AFAP1: variants seen among roughly 807,000 people sequenced by gnomAD.
The protein encoded by AFAP1 is actin filament-associated protein 1.
AFAP1 carries 75 observed loss-of-function variants against 93.9 expected under a neutral mutation model. The ratio of observed to expected loss-of-function variants is 0.80; its 90% CI spans 0.66 to 0.97. AFAP1 has a LOEUF of 0.97. Among genes scored for constraint, AFAP1 ranks in the 50% least tolerant of loss-of-function variants. AFAP1 has a pLI of 0.00. For synonymous variants in AFAP1, 517 were observed against 430.7 expected (o/e 1.20, Z -2.48); for missense variants, 1,201 against 1,050.8 (o/e 1.14, Z -1.98).
chr4:7,782,981 G>A (rs918464817), intron 12 of AFAP1, among the ~76,000 whole-genome samples: 1 of 152,076 alleles, frequency 6.6e-6, no homozygotes, highest in African/African-American at 2.4e-5. Context: ...TAAGTCACAC[G>A]GAAGACTCAG....
intron 4 of AFAP1, among the ~76,000 whole-genome samples, chr4:7,851,920 A>C (rs1278906772): frequency 6.6e-6 from 1 of 152,192 alleles, no homozygotes; most frequent in Non-Finnish European, 1.5e-5. Flanking sequence ...CCTGTTCTCC[A>C]TGATGGGATC....
intron 8 of AFAP1, among the ~76,000 whole-genome samples, chr4:7,812,606 C>T (rs562010651): frequency 5.3e-4 from 80 of 152,216 alleles, no homozygotes; most frequent in African/African-American, 1.9e-3. Flanking sequence ...ACTCAGAACG[C>T]TCAGCCCCCT....
intron 6 of AFAP1, among the ~76,000 whole-genome samples, chr4:7,828,889 C>T (rs1721657351): frequency 1.3e-5 from 2 of 152,218 alleles, no homozygotes; most frequent in Admixed American, 6.5e-5. Context: ...GCTGTGTCCC[C>T]ACCCAAGTCT....
chr4:7,900,331 G>A (rs1196947530), intron 1 of AFAP1, among the ~76,000 whole-genome samples: 5 of 48,952 alleles, frequency 1.0e-4, no homozygotes, highest in Admixed American at 1.6e-4. Flanking sequence ...TCCTTTGTGC[G>A]CATCTAGCAC....
At chr4:7,930,818 T>TTG (rs1721025851) in intron 1 of AFAP1, among the ~76,000 whole-genome samples, 1 of 151,954 alleles carries the variant, frequency 6.6e-6, no homozygotes, top group Non-Finnish European at 1.5e-5. Context: ...TGGTGCAATC[T>TTG]CAGCTCACTG....
intron 10 of AFAP1, among the ~76,000 whole-genome samples, chr4:7,794,643 T>A (rs1014931650): frequency 6.6e-6 from 1 of 152,060 alleles, no homozygotes; most frequent in Non-Finnish European, 1.5e-5. Flanking sequence ...TGCCTCAGCC[T>A]CCCAAGCAGC....
intron 2 of AFAP1, among the ~76,000 whole-genome samples, chr4:7,870,769 G>C (rs781168444): frequency 6.6e-6 from 1 of 152,108 alleles, no homozygotes; most frequent in African/African-American, 2.4e-5. Context: ...AGCCACCCAC[G>C]TTCAAACTGC....
intron 1 of AFAP1, among the ~76,000 whole-genome samples, chr4:7,885,750 C>G (rs1718107885): frequency 6.6e-6 from 1 of 152,208 alleles, no homozygotes; most frequent in African/African-American, 2.4e-5. Context: ...TCCTCTCATA[C>G]TTAGTAACCA....
chr4:7,852,531 C>T (rs1329368251), intron 4 of AFAP1, among the ~76,000 whole-genome samples: 1 of 152,118 alleles, frequency 6.6e-6, no homozygotes, highest in Non-Finnish European at 1.5e-5. Context: ...TGTGTTCTCA[C>T]ACCCTCTGAT....
intron 3 of AFAP1, among the ~76,000 whole-genome samples, chr4:7,866,712 T>A (rs181669431): frequency 6.6e-6 from 1 of 152,244 alleles, no homozygotes; most frequent in East Asian, 1.9e-4. Context: ...AATGCTATAT[T>A]TCTGGACTTT....
intron 1 of AFAP1, among the ~76,000 whole-genome samples, chr4:7,930,226 G>A (rs1304589239): frequency 1.3e-5 from 2 of 152,218 alleles, no homozygotes; most frequent in African/African-American, 2.4e-5. Flanking sequence ...ACACCACGGG[G>A]CAGGGAGGTC....
Position 7,939,389 on chromosome 4 carries a change from A to G in AFAP1, c.-3+267T>C. On this transcript the variant is annotated intron_variant, in intron 1 of 17. Transcript: ENST00000420658. This position sits in a 1 kb window ranked among gnomAD's most constrained non-coding sequence, Gnocchi z 5.6. ...GCCGCGGGGGCACCGGGCAGGAGCC[A>G]GCGCCCGGGTCCACGCAGTCCCCTC... 1 of 322,244 alleles carries G rather than the reference A, an allele frequency of 3.1e-6. No individual in the cohort carries two copies. The highest frequency in any genetic ancestry group is 6.2e-6 in the Non-Finnish European group (1 of 161,306). The allele number at this position is 322,244 out of a possible 1,614,324, so 20.0% of individuals were successfully genotyped here. A position where few individuals can be genotyped will look rare whatever the true frequency, so the allele number is the denominator to read the frequency against.
intron 6 of AFAP1, among the ~76,000 whole-genome samples, chr4:7,828,260 C>G (rs932541805): frequency 6.6e-6 from 1 of 152,214 alleles, no homozygotes; most frequent in Non-Finnish European, 1.5e-5. Context: ...CCCACGCCCC[C>G]CGGCTGGCTA....
chr4:7,900,829 T>C (rs1453646821), intron 1 of AFAP1, among the ~76,000 whole-genome samples: 2 of 152,212 alleles, frequency 1.3e-5, no homozygotes, highest in Non-Finnish European at 2.9e-5. Flanking sequence ...TACGTTTATA[T>C]AGGAATCAGA....
At position 7,847,794 on chromosome 4, in the gene AFAP1, G is replaced by GGC. The variant is rs66685332; in HGVS notation, c.335-4445_335-4444insGC. On this transcript the variant is annotated intron_variant, in intron 4 of 17. Coordinates refer to ENST00000420658, the MANE Select transcript of AFAP1 (RefSeq NM_001134647.2). The stretch of plus-strand genomic sequence containing the variant: ...GGAAGGTTCTATTTCAGGGGTACTC[G>GGC]GGGTGGGGCATTGATTAGATACCAT... Among the ~76,000 whole-genome samples, 28 of 94,842 alleles carry GGC rather than the reference G, an allele frequency of 3.0e-4. 1 individual carries two copies. Among genetic ancestry groups the GGC allele is most frequent in the Middle Eastern group, 4.6e-3 (1 of 218 alleles). 62.2% of individuals were successfully genotyped at this position (94,842 alleles called of 152,430 possible). A position where few individuals can be genotyped will look rare whatever the true frequency, so the allele number is the denominator to read the frequency against.
At chr4:7,802,099 T>C (rs1347936104) in intron 9 of AFAP1, among the ~76,000 whole-genome samples, 3 of 152,180 alleles carry the variant, frequency 2.0e-5, no homozygotes, top group Non-Finnish European at 4.4e-5. Flanking sequence ...TTATTACTTA[T>C]AACTATTGGT....
intron 1 of AFAP1, among the ~76,000 whole-genome samples, chr4:7,899,947 T>C (rs1322630541): frequency 2.0e-5 from 3 of 152,114 alleles, no homozygotes; most frequent in Admixed American, 2.0e-4. Context: ...TAACACCTCA[T>C]ATGGCAAAAG....
intron 1 of AFAP1, among the ~76,000 whole-genome samples, chr4:7,891,853 C>T (rs1718492995): frequency 6.7e-6 from 1 of 150,302 alleles, no homozygotes. Flanking sequence ...GTTCACAAGA[C>T]CAGCGTGGCC....
At chr4:7,826,400 C>T (rs530976524) in intron 6 of AFAP1, among the ~76,000 whole-genome samples, 1 of 152,322 alleles carries the variant, frequency 6.6e-6, no homozygotes, top group South Asian at 2.1e-4. Flanking sequence ...AGACGCCCCT[C>T]CCAGGAGGCC....
Sources: allele counts gnomAD v4.1 joint callset (sites outside exome capture counted in the v4.1 genomes callset), GRCh38; gene constraint gnomAD v4.1.1; non-coding constraint Gnocchi (gnomAD v3.1); transcripts MANE v1.5; gene names NCBI Gene and HGNC (gene_info 2026-07-23, HGNC 2026-07-21).